Variants in SLCO2A1 observed in about 807,000 individuals in gnomAD.
The protein encoded by SLCO2A1 is solute carrier organic anion transporter family member 2A1.
SLCO2A1 carries 60 observed loss-of-function variants against 71.7 expected under a neutral mutation model. That is an observed-to-expected ratio of 0.84 (90% confidence interval 0.68 to 1.04). The LOEUF (loss-of-function observed/expected upper bound fraction) is 1.04, where lower values mean the gene tolerates loss of function less well. Among genes scored for constraint, SLCO2A1 ranks in the 50% least tolerant of loss-of-function variants. The pLI, the probability that SLCO2A1 is intolerant of heterozygous loss-of-function variation, is 0.00. For synonymous variants in SLCO2A1, 308 were observed against 326.7 expected, an observed-to-expected ratio of 0.94 and a Z score of 0.62; for missense variants, 745 against 813.4, an observed-to-expected ratio of 0.92 and a Z score of 1.02.
At chr3:133,970,082 T>G (rs1421760772) in intron 3 of SLCO2A1, among the ~76,000 whole-genome samples, 3 of 152,188 alleles carry the variant, frequency 2.0e-5, no homozygotes, top group Non-Finnish European at 4.4e-5. Context: ...AGCTGTCACA[T>G]TCTTCACAGG....
intron 1 of SLCO2A1, among the ~76,000 whole-genome samples, chr3:133,992,130 A>T (rs1360947511): frequency 6.6e-6 from 1 of 152,208 alleles, no homozygotes; most frequent in Non-Finnish European, 1.5e-5. Flanking sequence ...ACTTCAGCAA[A>T]AATCACTTGA....
chr3:133,963,889 A>G (rs1934103318), intron 3 of SLCO2A1, among the ~76,000 whole-genome samples: 1 of 152,234 alleles, frequency 6.6e-6, no homozygotes, highest in South Asian at 2.1e-4. Context: ...ACCCACTGGC[A>G]GGCTTGGAAC....
intron 12 of SLCO2A1, among the ~76,000 whole-genome samples, chr3:133,936,907 CA>C (rs1933283927): frequency 6.6e-6 from 1 of 152,136 alleles, no homozygotes; most frequent in Non-Finnish European, 1.5e-5. Context: ...AGTCCGGAAA[CA>C]TTGTCAACCC....
intron 1 of SLCO2A1, among the ~76,000 whole-genome samples, chr3:133,983,522 G>A (rs976870760): frequency 6.6e-6 from 1 of 152,254 alleles, no homozygotes; most frequent in African/African-American, 2.4e-5. Context: ...TTAGACAGCT[G>A]CAGCACCTGC....
chr3:134,011,450 T>C (rs796493956), intron 1 of SLCO2A1, among the ~76,000 whole-genome samples: 41 of 152,316 alleles, frequency 2.7e-4, no homozygotes, highest in African/African-American at 9.1e-4. Context: ...GTGAGGACGA[T>C]CTCAGCTGTG....
rs387907297 is a variant in SLCO2A1 at position 133,973,750 on chromosome 3, C to T, written c.310G>A (p.Gly104Arg). The change falls in exon 3 of 14, where the codon GGA becomes AGA. Residue 104 changes from glycine (G) to arginine (R), a missense_variant. Gly to Arg is a moderately radical substitution (Grantham distance 125). Transcript: ENST00000310926. ...RVHRPRLIGI[G>R]GLFLAAGAFI... Reference sequence around the variant, plus strand: ...GCACCTGCAGCCAGGAAGAGACCTCCGATGCCAATCAGACGTGGACGGTGC... The same window carrying T: ...GCACCTGCAGCCAGGAAGAGACCTCTGATGCCAATCAGACGTGGACGGTGC... 7.7e-5 allele frequency: 124 copies of T among 1,613,924 alleles called. No individual in the cohort carries two copies. The highest frequency in any genetic ancestry group is 8.7e-5 in the Non-Finnish European group (103 of 1,180,016).
chr3:133,959,856 C>T (rs1037953215), intron 3 of SLCO2A1, among the ~76,000 whole-genome samples: 4 of 151,972 alleles, frequency 2.6e-5, no homozygotes, highest in African/African-American at 7.3e-5. Flanking sequence ...TGCGGTGGCT[C>T]ATACCTGTAA....
At chr3:134,000,032 G>A (rs1235061189) in intron 1 of SLCO2A1, among the ~76,000 whole-genome samples, 1 of 152,202 alleles carries the variant, frequency 6.6e-6, no homozygotes, top group Non-Finnish European at 1.5e-5. Flanking sequence ...CTCCAGTCAG[G>A]CGGTGGCAGT....
intron 11 of SLCO2A1, chr3:133,942,402 G>C (rs1425904412): frequency 3.5e-6 from 2 of 569,628 alleles, no homozygotes; most frequent in African/African-American, 3.8e-5. Flanking sequence ...GCTCAGCACA[G>C]AGCCTCCCTG....
intron 3 of SLCO2A1, among the ~76,000 whole-genome samples, chr3:133,965,811 C>A (rs1934152668): frequency 7.4e-6 from 1 of 135,770 alleles, no homozygotes; most frequent in Non-Finnish European, 1.6e-5. Context: ...TAAAGACCAG[C>A]AGCTCAGGAA....
intron 5 of SLCO2A1, among the ~76,000 whole-genome samples, 186 bp downstream of exon 5, chr3:133,953,477 T>G (rs1224130115): frequency 2.0e-5 from 3 of 152,236 alleles, no homozygotes; most frequent in African/African-American, 7.2e-5. Flanking sequence ...GCGTGGGCCC[T>G]GAGAGAGGAG....
intron 1 of SLCO2A1, among the ~76,000 whole-genome samples, chr3:133,997,270 C>T (rs1432898480): frequency 6.6e-6 from 1 of 152,176 alleles, no homozygotes; most frequent in Non-Finnish European, 1.5e-5. Context: ...AAGCAAAATG[C>T]TGAGGACATT....
At chr3:134,003,936 A>T (rs1301303472) in intron 1 of SLCO2A1, among the ~76,000 whole-genome samples, 1 of 152,186 alleles carries the variant, frequency 6.6e-6, no homozygotes, top group Non-Finnish European at 1.5e-5. Context: ...GAGAGGGAAA[A>T]AAAGAGAGAG....
At chr3:133,970,676 G>A (rs1230926637) in intron 3 of SLCO2A1, among the ~76,000 whole-genome samples, 1 of 152,224 alleles carries the variant, frequency 6.6e-6, no homozygotes, top group African/African-American at 2.4e-5. Flanking sequence ...GATGCCCGAA[G>A]GTAGCTCAGC....
At chr3:133,965,601 G>A (rs1021273770) in intron 3 of SLCO2A1, among the ~76,000 whole-genome samples, 7 of 152,244 alleles carry the variant, frequency 4.6e-5, no homozygotes, top group African/African-American at 1.7e-4. Flanking sequence ...AAGCTTGACC[G>A]TAGCTTCAAG....
At chr3:133,985,467 G>A (rs1934692534) in intron 1 of SLCO2A1, among the ~76,000 whole-genome samples, 1 of 152,128 alleles carries the variant, frequency 6.6e-6, no homozygotes, top group Non-Finnish European at 1.5e-5. Context: ...TTTGAGTCTT[G>A]CAATTTCTTC....
At chr3:133,976,459 G>C (rs1934451519) in intron 2 of SLCO2A1, among the ~76,000 whole-genome samples, 1 of 152,180 alleles carries the variant, frequency 6.6e-6, no homozygotes, top group South Asian at 2.1e-4. Context: ...GCACTCTCCA[G>C]GGGCCTGCAC....
At chr3:133,935,628 T>A in intron 13 of SLCO2A1, 146 bp downstream of exon 13, 1 of 885,468 alleles carries the variant, frequency 1.1e-6, no homozygotes, top group Non-Finnish European at 1.6e-6. Flanking sequence ...CCCTGCTCCC[T>A]GTCCATGGCA....
Position 133,992,878 on chromosome 3 carries a change from C to G in SLCO2A1, c.97-13260G>C, listed in dbSNP as rs556607446. 2.2e-4 allele frequency among the ~76,000 whole-genome samples: 33 copies of G among 152,264 alleles called. 1 individual carries two copies. In the South Asian group the frequency reaches 6.2e-3, roughly 29 times the overall value. On this transcript the variant is annotated intron_variant, in intron 1 of 13. Transcript: ENST00000310926. ...TGCCATCTTCAATCCGTTCGTGCAA[C>G]CTTATTACTCTTGGACGCCAGACAA...
Sources: allele counts gnomAD v4.1 joint callset (sites outside exome capture counted in the v4.1 genomes callset), GRCh38; gene constraint gnomAD v4.1.1; transcripts MANE v1.5; gene names NCBI Gene and HGNC (gene_info 2026-07-23, HGNC 2026-07-21).